ABCC5: variants seen among roughly 807,000 people sequenced by gnomAD.
The protein encoded by ABCC5 is ATP binding cassette subfamily C member 5.
ABCC5 carries 61 observed loss-of-function variants against 160.9 expected under a neutral mutation model. The observed-to-expected ratio is 0.38, with a 90% CI of 0.31 to 0.47. The LOEUF is 0.47. Among genes scored for constraint, ABCC5 ranks in the 20% least tolerant of loss-of-function variants. The probability of loss-of-function intolerance (pLI) is 0.99; values close to 1 mark genes in which losing one functional copy is unlikely to be tolerated. For synonymous variants in ABCC5, 666 were observed against 700.6 expected (o/e 0.95, Z 0.78); for missense variants, 1,308 against 1,813.3 (o/e 0.72, Z 5.06).
chr3:184,016,229 G>C (rs888030084), intron 1 of ABCC5, among the ~76,000 whole-genome samples: 5 of 152,140 alleles, frequency 3.3e-5, no homozygotes, highest in Admixed American at 6.5e-5. Flanking sequence ...TGCTGTGGTA[G>C]ACACTGCTAA....
intron 11 of ABCC5, among the ~76,000 whole-genome samples, chr3:183,970,516 C>T (rs928747055): frequency 2.0e-5 from 3 of 151,798 alleles, no homozygotes; most frequent in Non-Finnish European, 4.4e-5. Flanking sequence ...GCGATCTCAG[C>T]TCACTGTAAC....
chr3:183,941,846 C>T (rs1028649915), intron 25 of ABCC5, among the ~76,000 whole-genome samples: 1 of 151,602 alleles, frequency 6.6e-6, no homozygotes, highest in Non-Finnish European at 1.5e-5. Context: ...TTAGCTGGCG[C>T]CCCTGTAGTC....
chr3:183,973,298 C>A (rs1265504574), intron 10 of ABCC5, among the ~76,000 whole-genome samples: 1 of 151,858 alleles, frequency 6.6e-6, no homozygotes, highest in African/African-American at 2.4e-5. Flanking sequence ...CGTGATCCAC[C>A]CGCCTCAGCC....
chr3:183,931,720 A>C (rs1365202451), intron 26 of ABCC5, among the ~76,000 whole-genome samples: 2 of 152,234 alleles, frequency 1.3e-5, no homozygotes, highest in Admixed American at 1.3e-4. Flanking sequence ...ATAGAAAATG[A>C]ATATTTGCAT....
intron 2 of ABCC5, among the ~76,000 whole-genome samples, chr3:183,989,761 C>T (rs940678793): frequency 1.1e-4 from 17 of 152,032 alleles, no homozygotes; most frequent in African/African-American, 3.4e-4. Context: ...AATACAGATT[C>T]ATTATTAACT....
At chr3:183,985,431 C>T (rs776975193) in intron 5 of ABCC5, 1 of 1,486,934 alleles carries the variant, frequency 6.7e-7, no homozygotes, top group South Asian at 1.1e-5. Flanking sequence ...CCCCCCAAAT[C>T]CAGATCCTGA....
At position 183,978,489 on chromosome 3, in the gene ABCC5, G is replaced by C; in HGVS notation, c.1296+14C>G. 1.2e-6 allele frequency: 2 copies of C among 1,604,888 alleles called. No individual in the cohort carries two copies. Among genetic ancestry groups the C allele is most frequent in the Non-Finnish European group, 1.7e-6 (2 of 1,176,972 alleles). Reference sequence around the variant, plus strand: ...TATTTCTAAAATGTTCCCCATCCCTGAGGGTTCCCTGACCTGTGCTGCTGT... The same window carrying C: ...TATTTCTAAAATGTTCCCCATCCCTCAGGGTTCCCTGACCTGTGCTGCTGT... On this transcript the variant is annotated intron_variant, in intron 9 of 29. Transcript: ENST00000334444.
chr3:184,010,989 G>A (rs377164712), intron 2 of ABCC5, among the ~76,000 whole-genome samples: 10 of 152,014 alleles, frequency 6.6e-5, no homozygotes, highest in African/African-American at 2.4e-4. Context: ...CAATCCACCA[G>A]CCTCGGCCTC....
In ABCC5 at chr3:183,985,539, C is replaced by T. The variant is rs1320065417; in HGVS notation, c.591+2231G>A. 6.6e-6 allele frequency: 5 copies of T among 752,762 alleles called. No homozygotes were observed. The East Asian group carries it at 1.2e-4, about 19-fold the overall frequency. 46.6% of individuals were successfully genotyped at this position (752,762 alleles called of 1,614,324 possible). A position where few individuals can be genotyped will look rare whatever the true frequency, so the allele number is the denominator to read the frequency against. On this transcript the variant is annotated intron_variant, in intron 5 of 29. Coordinates refer to ENST00000334444, the MANE Select transcript of ABCC5 (RefSeq NM_005688.4). ...GTCCTTTCCCCAAAAGGCCCTCGAG[C>T]AGAGTTAGCATTCACCAAGAGAGAG...
chr3:183,929,949 T>C (rs1192997654), intron 26 of ABCC5, among the ~76,000 whole-genome samples: 2 of 152,106 alleles, frequency 1.3e-5, no homozygotes, highest in African/African-American at 4.8e-5. Flanking sequence ...AGGAGAAAAT[T>C]ATCTTTGCCA....
At position 183,947,340 on chromosome 3, in the gene ABCC5, A is replaced by G. The variant is rs377163281; in HGVS notation, c.3398T>C (p.Ile1133Thr). The G allele has an allele frequency of 6.2e-7, 1 of 1,611,678 alleles. No individual in the cohort carries two copies. Residue 1133 changes from isoleucine to threonine, a missense_variant, in exon 23 of 30, where the codon ATC becomes ACC. By Grantham distance (89) the Ile-to-Thr change is moderately conservative. This residue lies in a region of ABCC5 where 1,142 missense variants were observed against 1,527.1 expected (regional missense o/e 0.75). Transcript: ENST00000334444. Reference protein sequence around the residue: ...QIPPAYAGLAISYAVQLTGLF... With the variant: ...QIPPAYAGLATSYAVQLTGLF... ...GAGACTGACCTGGACAGCATAAGAG[A>G]TGGCGAGACCCGCATAGGCTGGGGG...
chr3:184,001,565 AG>A (rs36063744), intron 2 of ABCC5, among the ~76,000 whole-genome samples: 1 of 152,154 alleles, frequency 6.6e-6, no homozygotes, highest in African/African-American at 2.4e-5. Context: ...GAAATGTTTG[AG>A]GGGTGCTACT....
chr3:183,937,868 A>C (rs754104555), intron 26 of ABCC5, 33 bp downstream of exon 26: 1 of 1,610,294 alleles, frequency 6.2e-7, no homozygotes, highest in East Asian at 2.2e-5. Context: ...CCTCTAAGTG[A>C]CGCACGAGAC....
At chr3:183,990,340 C>T (rs1372574730) in intron 2 of ABCC5, among the ~76,000 whole-genome samples, 2 of 152,068 alleles carry the variant, frequency 1.3e-5, no homozygotes, top group African/African-American at 2.4e-5. Context: ...CTCTTGACCT[C>T]GTGATCCGCC....
At chr3:184,002,871 G>A (rs961262149) in intron 2 of ABCC5, among the ~76,000 whole-genome samples, 2 of 152,316 alleles carry the variant, frequency 1.3e-5, no homozygotes, top group African/African-American at 2.4e-5. Flanking sequence ...AGAGACTGCA[G>A]GTGTCAACTG....
intron 5 of ABCC5, chr3:183,985,425 C>A (rs768921525): frequency 3.5e-5 from 53 of 1,522,202 alleles, no homozygotes; most frequent in Non-Finnish European, 4.6e-5. Context: ...GAGACTCCCC[C>A]CAAATCCAGA....
At chr3:183,981,630 G>T in intron 8 of ABCC5, 97 bp downstream of exon 8, 1 of 1,311,518 alleles carries the variant, frequency 7.6e-7, no homozygotes, top group Non-Finnish European at 1.1e-6. Context: ...ACTAGTCCTA[G>T]TACGTAATGT....
At chr3:184,003,506 A>G (rs576354454) in intron 2 of ABCC5, among the ~76,000 whole-genome samples, 7 of 152,336 alleles carry the variant, frequency 4.6e-5, no homozygotes, top group African/African-American at 1.7e-4. Flanking sequence ...GGGAAGAAGC[A>G]GAATACAAAA....
intron 15 of ABCC5, among the ~76,000 whole-genome samples, chr3:183,962,781 C>G (rs1176224469): frequency 6.6e-6 from 1 of 152,154 alleles, no homozygotes; most frequent in Non-Finnish European, 1.5e-5. Flanking sequence ...CTCAGCCTCC[C>G]AAAGTGCAGG....
Sources: allele counts gnomAD v4.1 joint callset (sites outside exome capture counted in the v4.1 genomes callset), GRCh38; gene constraint gnomAD v4.1.1; regional missense constraint gnomAD v4.1.1; transcripts MANE v1.5; gene names NCBI Gene and HGNC (gene_info 2026-07-23, HGNC 2026-07-21).